BANP: variants seen among roughly 807,000 people sequenced by gnomAD.
BANP encodes protein BANP.
In BANP, 11 loss-of-function variants were observed where a neutral mutation model predicts 68.1. The ratio of observed to expected loss-of-function variants is 0.16; its 90% CI spans 0.10 to 0.27. The LOEUF (loss-of-function observed/expected upper bound fraction) is 0.27. BANP is among the 10% of genes least tolerant of loss of function. BANP has a pLI of 1.00. For missense variants in BANP, 504 were observed against 722.7 expected (o/e 0.70, Z 3.47); for synonymous variants, 329 against 303.2 (o/e 1.09, Z -0.88).
intron 6 of BANP, among the ~76,000 whole-genome samples, chr16:88,015,475 C>G (rs1400892323): frequency 6.6e-6 from 1 of 152,264 alleles, no homozygotes; most frequent in Non-Finnish European, 1.5e-5. Flanking sequence ...GTTCCCTGCT[C>G]TGGCCACGCT....
Position 88,004,774 on chromosome 16 carries a change from G to A in BANP, c.479+363G>A, listed in dbSNP as rs941700204. 2.6e-5 allele frequency among the ~76,000 whole-genome samples: 4 copies of A among 152,206 alleles called. No homozygotes were observed. The highest frequency in any genetic ancestry group is 2.0e-4 in the Admixed American group (3 of 15,282). ...TGCAGAGCGTGTCAGGCAAACAGAC[G>A]CCCTCTCCCACGGTTGCTAAGTGGT... is the stretch of plus-strand genomic sequence containing the variant. On this transcript the variant is annotated intron_variant, in intron 5 of 13. Coordinates refer to ENST00000682872, the MANE Select transcript of BANP (RefSeq NM_001386991.1). This position sits in a 1 kb window ranked among gnomAD's most constrained non-coding sequence, Gnocchi z 7.0.
intron 1 of BANP, among the ~76,000 whole-genome samples, chr16:87,954,351 C>T (rs1269053660): frequency 6.6e-6 from 1 of 152,192 alleles, no homozygotes; most frequent in East Asian, 1.9e-4. Flanking sequence ...CTTCCCAGCT[C>T]TCCTTTGTTC....
At chr16:88,008,416 C>G (rs558853212) in intron 6 of BANP, among the ~76,000 whole-genome samples, 3 of 152,238 alleles carry the variant, frequency 2.0e-5, no homozygotes, top group African/African-American at 7.2e-5. Context: ...ATTGCAGTAA[C>G]GACAGACTAA....
rs747346502 is a variant in BANP, at chr16:87,979,032, C to A, written c.71-2004C>A. ...GTCCTTGGCTTTGGATGATTTCCCA[C>A]CAGGTAGATCGGATTTGACTGCTTT... On this transcript the variant is annotated intron_variant, in intron 2 of 13. Coordinates refer to ENST00000682872, the MANE Select transcript of BANP (RefSeq NM_001386991.1). 3.3e-5 allele frequency among the ~76,000 whole-genome samples: 5 copies of A among 152,252 alleles called. No homozygotes were observed. The South Asian group carries it at 8.3e-4, about 25-fold the overall frequency.
intron 13 of BANP, among the ~76,000 whole-genome samples, chr16:88,075,030 C>G (rs1167086835): frequency 6.6e-6 from 1 of 152,096 alleles, no homozygotes; most frequent in Non-Finnish European, 1.5e-5. Context: ...GTAGCGAGAC[C>G]CCCATCTCTA....
At chr16:88,024,221 C>G (rs2076543588) in intron 7 of BANP, among the ~76,000 whole-genome samples, 1 of 152,132 alleles carries the variant, frequency 6.6e-6, no homozygotes, top group African/African-American at 2.4e-5. Flanking sequence ...TTCTCAGGAT[C>G]CAGTGAGGGC....
intron 11 of BANP, among the ~76,000 whole-genome samples, chr16:88,060,104 G>A (rs980019423): frequency 5.3e-5 from 8 of 152,268 alleles, no homozygotes; most frequent in Non-Finnish European, 8.8e-5. Context: ...CGAAGGTGCC[G>A]AAGTGTGAGC....
chr16:88,016,195 C>T (rs1598450616), intron 6 of BANP, among the ~76,000 whole-genome samples: 1 of 152,370 alleles, frequency 6.6e-6, no homozygotes, highest in East Asian at 1.9e-4. Flanking sequence ...TTAAGGTCAG[C>T]ACAAGCGGGG....
chr16:87,960,580 T>C (rs2058954402), intron 1 of BANP, among the ~76,000 whole-genome samples: 1 of 152,228 alleles, frequency 6.6e-6, no homozygotes, highest in African/African-American at 2.4e-5. Context: ...TTTCTCCCGT[T>C]GCTAACAAGA....
intron 11 of BANP, among the ~76,000 whole-genome samples, chr16:88,050,084 C>A (rs956446606): frequency 1.8e-4 from 28 of 152,210 alleles, no homozygotes; most frequent in Admixed American, 1.8e-3. Context: ...GTCCTCCGGT[C>A]TTATTCCTGA....
chr16:87,969,986 C>A (rs1157036962), intron 1 of BANP: 4 of 148,232 alleles, frequency 2.7e-5, no homozygotes, highest in African/African-American at 1.0e-4. Context: ...CAGTTCACTG[C>A]AACCTCCGCC....
At chr16:88,033,533 A>G (rs2078658011) in intron 9 of BANP, among the ~76,000 whole-genome samples, 1 of 152,200 alleles carries the variant, frequency 6.6e-6, no homozygotes, top group African/African-American at 2.4e-5. Flanking sequence ...GTCAGCTCCA[A>G]GGGTCAGGCC....
chr16:87,955,826 T>G (rs1476632105), intron 1 of BANP, among the ~76,000 whole-genome samples: 1 of 152,160 alleles, frequency 6.6e-6, no homozygotes, highest in Non-Finnish European at 1.5e-5. Context: ...CTGGCAGTGT[T>G]GCCAGAAATG....
chr16:88,061,642 T>C (rs1333358046), intron 11 of BANP, among the ~76,000 whole-genome samples: 1 of 152,030 alleles, frequency 6.6e-6, no homozygotes, highest in Admixed American at 6.6e-5. Flanking sequence ...GGGATGAGCC[T>C]CTTTCTCTGA....
Position 88,003,904 on chromosome 16 carries a change from G to T in BANP, c.363-391G>T. 1 of 299,998 alleles carries T rather than the reference G, an allele frequency of 3.3e-6. No individual in the cohort carries two copies. Among genetic ancestry groups the T allele is most frequent in the South Asian group, 3.0e-5 (1 of 33,008 alleles). 18.6% of individuals were successfully genotyped at this position (299,998 alleles called of 1,614,324 possible). Reference sequence around the variant, plus strand: ...GAGTTGGGATGGAGTGACTGAAAATGTCAAGCCAGTTCTCATGCAAGTGTG... The same window carrying T: ...GAGTTGGGATGGAGTGACTGAAAATTTCAAGCCAGTTCTCATGCAAGTGTG... On this transcript the variant is annotated intron_variant, in intron 4 of 13. Coordinates refer to ENST00000682872, the MANE Select transcript of BANP (RefSeq NM_001386991.1). This position sits in a 1 kb window ranked among gnomAD's most constrained non-coding sequence, Gnocchi z 6.1.
chr16:88,013,197 G>T (rs994996833), intron 6 of BANP, among the ~76,000 whole-genome samples: 2 of 152,372 alleles, frequency 1.3e-5, no homozygotes, highest in East Asian at 1.9e-4. Flanking sequence ...CTGCGACCTC[G>T]ATCAGGGTCA....
chr16:87,969,724 G>T (rs897930797), intron 1 of BANP, among the ~76,000 whole-genome samples: 5 of 151,866 alleles, frequency 3.3e-5, no homozygotes, highest in African/African-American at 1.2e-4. Flanking sequence ...AGTAGAGACG[G>T]GCTTTCACCA....
intron 6 of BANP, among the ~76,000 whole-genome samples, chr16:88,006,842 C>T (rs1242928590): frequency 6.7e-6 from 1 of 148,412 alleles, no homozygotes; most frequent in Non-Finnish European, 1.5e-5. Flanking sequence ...ATCCCAGCTA[C>T]TTGGGAGGCT....
chr16:88,020,538 C>T (rs1305288353), intron 7 of BANP, among the ~76,000 whole-genome samples: 2 of 152,252 alleles, frequency 1.3e-5, no homozygotes, highest in Admixed American at 1.3e-4. Context: ...ACGTCTGCAA[C>T]CTGAGAGGTG....
Sources: allele counts gnomAD v4.1 joint callset (sites outside exome capture counted in the v4.1 genomes callset), GRCh38; gene constraint gnomAD v4.1.1; non-coding constraint Gnocchi (gnomAD v3.1); transcripts MANE v1.5; gene names NCBI Gene and HGNC (gene_info 2026-07-23, HGNC 2026-07-21).